The following INO80C variants were observed in gnomAD, a reference collection of about 807,000 sequenced individuals.
INO80C encodes IES6 homolog.
INO80C carries 17 observed loss-of-function variants against 17.7 expected under a neutral mutation model. That is an observed-to-expected ratio of 0.96 (90% CI 0.66 to 1.44). The LOEUF (loss-of-function observed/expected upper bound fraction) is 1.44. Ranked by LOEUF, INO80C falls within the 40% of genes most tolerant of loss-of-function variation. INO80C has a pLI of 0.00. For synonymous variants in INO80C, 96 were observed against 95.8 expected (o/e 1.00, Z -0.01); for missense variants, 244 against 245.0 (o/e 1.00, Z 0.03).
intron 1 of INO80C, among the ~76,000 whole-genome samples, chr18:35,488,575 T>G (rs376342105): frequency 5.9e-5 from 9 of 152,230 alleles, no homozygotes; most frequent in African/African-American, 2.2e-4. Context: ...CCTGGGTCAG[T>G]CACCTGAAAC....
chr18:35,488,159 G>A (rs1343183959), intron 1 of INO80C, among the ~76,000 whole-genome samples: 1 of 152,198 alleles, frequency 6.6e-6, no homozygotes, highest in Admixed American at 6.5e-5. Context: ...CACAGTGCAA[G>A]CTGTTGGTGG....
intron 1 of INO80C, chr18:35,497,514 C>CT (rs1305008888): frequency 7.3e-7 from 1 of 1,372,818 alleles, no homozygotes; most frequent in African/African-American, 1.5e-5. Context: ...ACTTCTTCTT[C>CT]TCTCCTTACA....
intron 1 of INO80C, among the ~76,000 whole-genome samples, chr18:35,494,442 C>CAG (rs1159381334): frequency 2.6e-5 from 4 of 152,090 alleles, no homozygotes; most frequent in Admixed American, 2.6e-4. Flanking sequence ...AATCTGAGTC[C>CAG]AGGGGTCAGC....
At chr18:35,491,990 G>A (rs973603602) in intron 1 of INO80C, among the ~76,000 whole-genome samples, 2 of 152,172 alleles carry the variant, frequency 1.3e-5, no homozygotes, top group East Asian at 1.9e-4. Flanking sequence ...CCTGGGTCTC[G>A]CCCTGCTCTG....
intron 1 of INO80C, among the ~76,000 whole-genome samples, chr18:35,493,064 G>A (rs1299078922): frequency 1.3e-5 from 2 of 152,118 alleles, no homozygotes; most frequent in Non-Finnish European, 2.9e-5. Context: ...GCCTGGGTTC[G>A]AATCCCGACA....
At chr18:35,497,672 T>C in intron 1 of INO80C, 47 bp downstream of exon 1, 1 of 1,584,608 alleles carries the variant, frequency 6.3e-7, no homozygotes, top group Non-Finnish European at 8.6e-7. Context: ...CCCCGCCAAG[T>C]CCCGTTTCGC....
chr18:35,491,139 T>C (rs755136947), intron 1 of INO80C, among the ~76,000 whole-genome samples: 3 of 152,096 alleles, frequency 2.0e-5, no homozygotes, highest in Admixed American at 6.5e-5. Flanking sequence ...GTGTGCCCAA[T>C]GAAAGGAAAG....
chr18:35,479,215 C>T lies in INO80C; in HGVS notation c.379+85G>A. ...CTAAAAATTATTTCCTACAATGATG[C>T]AAACACAATACAATAATGTAGGTTG... On this transcript the variant is annotated intron_variant, in intron 3 of 4. Transcript: ENST00000334598. 4.8e-6 allele frequency: 4 copies of T among 839,134 alleles called. No individual in the cohort carries two copies. The East Asian group carries it at 7.5e-5, about 16-fold the overall frequency. 52.0% of individuals were successfully genotyped at this position (839,134 alleles called of 1,614,324 possible). A position where few individuals can be genotyped will look rare whatever the true frequency, so the allele number is the denominator to read the frequency against.
chr18:35,493,561 AAAG>A (rs1319846779), intron 1 of INO80C, among the ~76,000 whole-genome samples: 1 of 152,220 alleles, frequency 6.6e-6, no homozygotes, highest in African/African-American at 2.4e-5. Context: ...ACACTGATGT[AAAG>A]AAGGCTTCTA....
chr18:35,497,547 G>C (rs1567992066), intron 1 of INO80C, 172 bp downstream of exon 1: 2 of 1,409,886 alleles, frequency 1.4e-6, no homozygotes, highest in Non-Finnish European at 1.8e-6. Context: ...GTAAGCCCAT[G>C]TGTCCAAACG....
chr18:35,485,288 C>T (rs1174136156), intron 1 of INO80C, among the ~76,000 whole-genome samples: 1 of 152,196 alleles, frequency 6.6e-6, no homozygotes, highest in Non-Finnish European at 1.5e-5. Flanking sequence ...GAGGCTCCTA[C>T]TGGACCAATT....
intron 1 of INO80C, among the ~76,000 whole-genome samples, chr18:35,485,153 C>A (rs1001614950): frequency 6.6e-6 from 1 of 151,694 alleles, no homozygotes. Flanking sequence ...CAGAATGTAA[C>A]TGAGGTATAC....
At chr18:35,485,673 TATC>T (rs1228994507) in intron 1 of INO80C, among the ~76,000 whole-genome samples, 1 of 152,014 alleles carries the variant, frequency 6.6e-6, no homozygotes, top group Non-Finnish European at 1.5e-5. Flanking sequence ...ACCACAGAAT[TATC>T]ATATGACCCA....
intron 1 of INO80C, among the ~76,000 whole-genome samples, chr18:35,494,514 T>C (rs1329636761): frequency 2.0e-5 from 3 of 152,220 alleles, no homozygotes; most frequent in Admixed American, 6.5e-5. Context: ...AGATTCTCCA[T>C]AGCTGGCTCT....
rs561435494 is a variant in INO80C, at chr18:35,475,440, G to A, written c.447+2842C>T. On this transcript the variant is annotated intron_variant, in intron 4 of 4. Transcript: ENST00000334598. ...CCCAGCACTTTGGGAGACCAAGACA[G>A]GATGATCACTTGAGCCCAGGAATTT... Among the ~76,000 whole-genome samples the A allele has an allele frequency of 1.1e-4, 16 of 152,312 alleles. No individual in the cohort carries two copies. In the South Asian group the frequency reaches 3.3e-3, roughly 32 times the overall value.
At chr18:35,476,556 A>C (rs2144039592) in intron 4 of INO80C, among the ~76,000 whole-genome samples, 1 of 152,348 alleles carries the variant, frequency 6.6e-6, no homozygotes, top group East Asian at 1.9e-4. Flanking sequence ...AACGCTCAAT[A>C]AATCCAGAGA....
intron 1 of INO80C, 34 bp downstream of exon 1, chr18:35,497,685 C>G (rs749427410): frequency 6.3e-7 from 1 of 1,593,444 alleles, no homozygotes; most frequent in South Asian, 1.1e-5. Context: ...CGTTTCGCGA[C>G]GCGCACGCGC....
In INO80C at chr18:35,483,560, T is replaced by C. The variant is rs1002601177; in HGVS notation, c.157-2997A>G. On this transcript the variant is annotated intron_variant, in intron 1 of 4. Coordinates refer to ENST00000334598, the MANE Select transcript of INO80C (RefSeq NM_194281.4). ...GCTTTACTTCATAGTTCAGCCTCTGTCCCTGCTTCTAACCCAGTGCCTAGC... is the reference window on the plus strand; with the variant it reads ...GCTTTACTTCATAGTTCAGCCTCTGCCCCTGCTTCTAACCCAGTGCCTAGC... 4.3e-4 allele frequency: 66 copies of C among 152,340 alleles called. 1 individual carries two copies. Among genetic ancestry groups the C allele is most frequent in the African/African-American group, 1.5e-3 (63 of 41,564 alleles). The allele number at this position is 152,340 out of a possible 1,614,324, so 9.4% of individuals were successfully genotyped here. A position where few individuals can be genotyped will look rare whatever the true frequency, so the allele number is the denominator to read the frequency against.
At chr18:35,490,763 T>TTGC (rs1235621487) in intron 1 of INO80C, among the ~76,000 whole-genome samples, 1 of 151,554 alleles carries the variant, frequency 6.6e-6, no homozygotes, top group Non-Finnish European at 1.5e-5. Context: ...TATTATTTTG[T>TTGC]TGTTGTTGTT....
Sources: gnomAD v4.1 joint callset for allele counts (sites outside exome capture counted in the v4.1 genomes callset) on GRCh38, gnomAD v4.1.1 for gene constraint, MANE v1.5 for transcripts, NCBI Gene and HGNC (gene_info 2026-07-23, HGNC 2026-07-21) for gene names.